The following HAVCR1 variants were observed in gnomAD, a reference collection of about 807,000 sequenced individuals.
The protein encoded by HAVCR1 is T cell immunoglobin domain and mucin domain protein 1.
HAVCR1 carries 34 observed loss-of-function variants against 32.0 expected under a neutral mutation model. The ratio of observed to expected loss-of-function variants is 1.06; its 90% confidence interval spans 0.81 to 1.42. The LOEUF (loss-of-function observed/expected upper bound fraction) is 1.42. Among genes scored for constraint, HAVCR1 ranks in the 40% most tolerant of loss-of-function variants. The pLI is 0.00. For synonymous variants in HAVCR1, 178 were observed against 170.3 expected (o/e 1.05, Z -0.35); for missense variants, 420 against 442.3 (o/e 0.95, Z 0.45).
the HAVCR1 span, among the ~76,000 whole-genome samples, chr5:157,065,300 C>A: frequency 1.1e-5 from 1 of 90,026 alleles, no homozygotes; most frequent in African/African-American, 3.6e-5. Context: ...GAGCGAGACT[C>A]CGCCTCAAAA....
chr5:157,057,756 T>C, intron 2 of HAVCR1, 142 bp downstream of exon 2: 1 of 664,906 alleles, frequency 1.5e-6, no homozygotes, highest in Non-Finnish European at 2.7e-6. Flanking sequence ...TGCTCACTAG[T>C]TAACTCATAG....
At chr5:157,041,932 G>A (rs1404175195) in intron 6 of HAVCR1, among the ~76,000 whole-genome samples, 4 of 151,996 alleles carry the variant, frequency 2.6e-5, no homozygotes, top group Non-Finnish European at 4.4e-5. Context: ...GGTGGCGTGC[G>A]CCTGTAGTCC....
At chr5:157,044,625 G>GAAAGAAAGAAAGAA (rs1755225501) in intron 5 of HAVCR1, among the ~76,000 whole-genome samples, 1 of 51,928 alleles carries the variant, frequency 1.9e-5, no homozygotes, top group African/African-American at 6.9e-5. Context: ...GAGAAAGAAA[G>GAAAGAAAGAAAGAA]AAAGAAAGAA....
intron 7 of HAVCR1, among the ~76,000 whole-genome samples, chr5:157,035,421 T>C (rs1754467164): frequency 6.6e-6 from 1 of 152,164 alleles, no homozygotes; most frequent in South Asian, 2.1e-4. Flanking sequence ...TAGGGTTCTT[T>C]TATGGGAGGC....
upstream of HAVCR1, among the ~76,000 whole-genome samples, chr5:157,063,531 C>T (rs1296174760): frequency 6.6e-6 from 1 of 151,898 alleles, no homozygotes; most frequent in Non-Finnish European, 1.5e-5. Context: ...GTGATCTGCC[C>T]GCCTTGGCCT....
At chr5:157,044,615 GAGAA>G (rs1554090477) in intron 5 of HAVCR1, among the ~76,000 whole-genome samples, 2,233 of 52,368 alleles carry the variant, frequency 0.043, 85 homozygotes, top group Non-Finnish European at 0.066. Flanking sequence ...AAGAAAGAAA[GAGAA>G]AGAAAGAAAG....
At chr5:157,060,088 G>C (rs1756443916), upstream of HAVCR1, among the ~76,000 whole-genome samples, 1 of 152,070 alleles carries the variant, frequency 6.6e-6, no homozygotes, top group Non-Finnish European at 1.5e-5. Flanking sequence ...CAAAAATCCA[G>C]ACTTGTGCAA....
At position 157,059,066 on chromosome 5, in the gene HAVCR1, G is replaced by C. The variant is rs572592744; in HGVS notation, c.-158C>G. ...CAAGGATTGATATAATAAGCAAAAAGGGCCACGGAAGAACTTGGAAAACTA... is the reference window on the plus strand; with the variant it reads ...CAAGGATTGATATAATAAGCAAAAACGGCCACGGAAGAACTTGGAAAACTA... On this transcript the variant is annotated 5_prime_UTR_variant, in exon 1 of 9. Coordinates refer to ENST00000523175, the MANE Select transcript of HAVCR1 (RefSeq NM_001173393.3). The C allele has an allele frequency of 1.3e-5, 2 of 152,186 alleles. No individual in the cohort carries two copies. Among genetic ancestry groups the C allele is most frequent in the Non-Finnish European group, 1.5e-5 (1 of 68,038 alleles). The allele number at this position is 152,186 out of a possible 1,614,324, so 9.4% of individuals were successfully genotyped here.
chr5:157,055,516 C>T lies in HAVCR1; in HGVS notation c.64G>A (p.Val22Ile). Residue 22 changes from valine (V) to isoleucine (I), a missense_variant, in exon 3 of 9, where the codon GTA becomes ATA. Transcript: ENST00000523175. The part of the protein sequence containing the change: ...LHLADSVAGS[V>I]KVGGEAGPSV... ...GGACCTGCCTCTCCACCAACCTTTA[C>T]AGAACCAGCTACAGAATCTGCAAAG... is the stretch of plus-strand genomic sequence containing the variant. 2 of 1,580,244 alleles carry T rather than the reference C, an allele frequency of 1.3e-6. No homozygotes were observed. The highest frequency in any genetic ancestry group is 4.5e-5 in the East Asian group (2 of 44,486).
chr5:157,068,350 G>A, the HAVCR1 span, among the ~76,000 whole-genome samples: 3 of 152,076 alleles, frequency 2.0e-5, no homozygotes, highest in African/African-American at 4.8e-5. Flanking sequence ...TTGGGAGGCC[G>A]ATGCAAGTGG....
intron 7 of HAVCR1, among the ~76,000 whole-genome samples, chr5:157,034,364 A>G (rs1402383414): frequency 1.3e-5 from 2 of 151,946 alleles, no homozygotes; most frequent in East Asian, 3.9e-4. Flanking sequence ...CAAACATCTC[A>G]GTGCAGTAAA....
chr5:157,035,342 C>G (rs1448541136), intron 7 of HAVCR1, among the ~76,000 whole-genome samples: 2 of 152,128 alleles, frequency 1.3e-5, no homozygotes, highest in Non-Finnish European at 2.9e-5. Context: ...TTTTCTGATT[C>G]TCCTCTGCCT....
upstream of HAVCR1, among the ~76,000 whole-genome samples, chr5:157,060,999 G>A (rs541415336): frequency 6.5e-4 from 99 of 152,084 alleles, no homozygotes; most frequent in Non-Finnish European, 1.2e-3. Flanking sequence ...CTGGGTTTAA[G>A]TGATTCTCTT....
chr5:157,050,269 C>A (rs1300701710), intron 4 of HAVCR1, among the ~76,000 whole-genome samples: 1 of 152,192 alleles, frequency 6.6e-6, no homozygotes, highest in Non-Finnish European at 1.5e-5. Context: ...CGTGGGCAGT[C>A]TGTACCCAAT....
chr5:157,035,952 A>G (rs913039280), intron 7 of HAVCR1, among the ~76,000 whole-genome samples: 4 of 152,300 alleles, frequency 2.6e-5, no homozygotes, highest in Non-Finnish European at 5.9e-5. Flanking sequence ...CTATGTGCAA[A>G]TACTACACCA....
At chr5:157,049,297 C>G (rs985596701) in intron 4 of HAVCR1, 152 bp from the exon 5 acceptor site, 9 of 639,178 alleles carry the variant, frequency 1.4e-5, no homozygotes, top group African/African-American at 1.8e-5. Flanking sequence ...GGGCTTCTAC[C>G]GACCCACTTC....
At chr5:157,044,621 GAAAGAAAGAAAGAAAGAA>G (rs1755222353) in intron 5 of HAVCR1, among the ~76,000 whole-genome samples, 5 of 42,722 alleles carry the variant, frequency 1.2e-4, no homozygotes, top group East Asian at 1.8e-3. Context: ...GAAAGAGAAA[GAAAGAAAGAAAGAAAGAA>G]AGAAAGAAAG....
intron 6 of HAVCR1, among the ~76,000 whole-genome samples, chr5:157,042,130 G>A (rs911804850): frequency 6.6e-6 from 1 of 151,984 alleles, no homozygotes; most frequent in Non-Finnish European, 1.5e-5. Context: ...ATCTAAGTAC[G>A]CTATTCAGTA....
In HAVCR1 at chr5:157,052,536, A is replaced by G; in HGVS notation, c.498T>C (p.Val166=). The change falls in exon 4 of 9, where the codon GTT becomes GTC. Residue 166 remains valine (V), a synonymous_variant. Transcript: ENST00000523175. ...TCGTTGGAATGCTCATTGTTGTTGG[A>G]ACAGTTGTCGTTGGAACAGTCGTCA... The part of the protein sequence containing the change: ...VPMTTVPTTT[V]PTTMSIPTTT... The G allele has an allele frequency of 1.9e-6, 3 of 1,573,898 alleles. No individual in the cohort carries two copies. Among genetic ancestry groups the G allele is most frequent in the African/African-American group, 1.5e-5 (1 of 64,520 alleles).
Sources: gnomAD v4.1 joint callset for allele counts (sites outside exome capture counted in the v4.1 genomes callset) on GRCh38, gnomAD v4.1.1 for gene constraint, MANE v1.5 for transcripts, NCBI Gene and HGNC (gene_info 2026-07-23, HGNC 2026-07-21) for gene names.